ARRB1: variants seen among roughly 807,000 people sequenced by gnomAD.
ARRB1 encodes the protein arrestin beta 1.
In ARRB1, 21 loss-of-function variants were observed where a neutral mutation model predicts 56.8. The observed-to-expected ratio is 0.37, with a 90% CI of 0.26 to 0.53. ARRB1 has a LOEUF of 0.53. Ranked by LOEUF, ARRB1 falls within the 20% of genes least tolerant of loss-of-function variation. The pLI is 0.88. For missense variants in ARRB1, 424 were observed against 553.7 expected (o/e 0.77, Z 2.35); for synonymous variants, 210 against 218.6 (o/e 0.96, Z 0.35).
At chr11:75,326,751 G>C (rs1947442415) in intron 1 of ARRB1, among the ~76,000 whole-genome samples, 1 of 146,660 alleles carries the variant, frequency 6.8e-6, no homozygotes, top group Admixed American at 6.7e-5. Context: ...TTTGAGACAG[G>C]GTGTCACTCC....
chr11:75,299,447 G>GAA (rs775099506), intron 1 of ARRB1, among the ~76,000 whole-genome samples: 2 of 138,344 alleles, frequency 1.4e-5, no homozygotes, highest in Admixed American at 7.3e-5. Flanking sequence ...GAGAATCTAG[G>GAA]AAAAAAAAAA....
At chr11:75,273,966 T>C (rs1946134123) in intron 11 of ARRB1, 108 bp downstream of exon 11, 5 of 1,525,166 alleles carry the variant, frequency 3.3e-6, no homozygotes, top group Non-Finnish European at 3.6e-6. Flanking sequence ...GACAAGGCTA[T>C]GGAGAGGGTA....
intron 8 of ARRB1, 56 bp downstream of exon 8, chr11:75,278,553 G>A (rs1591905905): frequency 1.2e-6 from 2 of 1,610,598 alleles, no homozygotes; most frequent in Non-Finnish European, 1.7e-6. Flanking sequence ...GCTGGGATCT[G>A]AGGCCCAGGC....
chr11:75,281,633 T>G (rs1946343565), intron 6 of ARRB1: 2 of 365,826 alleles, frequency 5.5e-6, no homozygotes, highest in Non-Finnish European at 1.0e-5. Flanking sequence ...ATCTGTGAAA[T>G]GGGGATGATC....
At chr11:75,290,185 G>A (rs1946574886) in intron 1 of ARRB1, 146 bp from the exon 2 acceptor site, 1 of 910,648 alleles carries the variant, frequency 1.1e-6, no homozygotes, top group African/African-American at 1.7e-5. Context: ...CAGTGCCCAT[G>A]TAATCCGCTC....
In ARRB1 at chr11:75,290,047, G is replaced by A. The variant is rs1946568448; in HGVS notation, c.21-8C>T. ...CTGGCCTTCTTGAACACTCTGTGGA[G>A]AGAAAGAGAGGTCAGGCCAGGGTTC... On this transcript the variant is annotated splice_region_variant and splice_polypyrimidine_tract_variant and intron_variant, in intron 1 of 15. Coordinates refer to ENST00000420843, the MANE Select transcript of ARRB1 (RefSeq NM_004041.5). 6.2e-7 allele frequency: 1 copy of A among 1,614,190 alleles called. No homozygotes were observed.
intron 9 of ARRB1, 78 bp downstream of exon 9, chr11:75,277,286 G>A: frequency 1.4e-6 from 2 of 1,392,130 alleles, no homozygotes; most frequent in Non-Finnish European, 2.0e-6. Context: ...GTTAACAAGG[G>A]GAGATACTTC....
intron 1 of ARRB1, among the ~76,000 whole-genome samples, chr11:75,305,482 A>G (rs912691902): frequency 1.3e-5 from 2 of 152,170 alleles, no homozygotes; most frequent in African/African-American, 2.4e-5. Flanking sequence ...TCTCTTCCCA[A>G]CTGCACATTC....
chr11:75,320,215 C>G (rs1436874394), intron 1 of ARRB1, among the ~76,000 whole-genome samples: 1 of 152,196 alleles, frequency 6.6e-6, no homozygotes, highest in South Asian at 2.1e-4. Flanking sequence ...TGGGAAGCCA[C>G]AGCCCACAGA....
intron 2 of ARRB1, among the ~76,000 whole-genome samples, chr11:75,288,847 C>A (rs1361345811): frequency 1.3e-5 from 2 of 152,180 alleles, no homozygotes; most frequent in Non-Finnish European, 2.9e-5. Context: ...CCCACCTTGG[C>A]CTCCCAAAGT....
rs556820889 is a variant in ARRB1, at chr11:75,341,172, C to T, written c.20+10416G>A. ...GTTGTTGTTGAGACAGAGTCTCACT[C>T]TGTCACTCAGGCTGGAGTACAATAG... On this transcript the variant is annotated intron_variant, in intron 1 of 15. Coordinates refer to ENST00000420843, the MANE Select transcript of ARRB1 (RefSeq NM_004041.5). 1.7e-3 allele frequency among the ~76,000 whole-genome samples: 254 copies of T among 152,248 alleles called. 1 individual carries two copies. Among genetic ancestry groups the T allele is most frequent in the African/African-American group, 5.6e-3 (234 of 41,534 alleles).
At chr11:75,273,463 C>A (rs573366135) in intron 11 of ARRB1, among the ~76,000 whole-genome samples, 1 of 152,280 alleles carries the variant, frequency 6.6e-6, no homozygotes, top group South Asian at 2.1e-4. Flanking sequence ...GGGCAAAAAG[C>A]TTCAGGTAAG....
intron 1 of ARRB1, among the ~76,000 whole-genome samples, chr11:75,299,234 A>G (rs181079239): frequency 6.6e-6 from 1 of 150,442 alleles, no homozygotes; most frequent in Non-Finnish European, 1.5e-5. Flanking sequence ...ATTACATCTC[A>G]ATTAAAAAAA....
At chr11:75,303,683 C>T (rs769708384) in intron 1 of ARRB1, 2 of 456,298 alleles carry the variant, frequency 4.4e-6, no homozygotes, top group South Asian at 3.1e-5. Flanking sequence ...AGTGAACAAG[C>T]AAGCCCTCCC....
In ARRB1 at chr11:75,270,593, C is replaced by T. The variant is rs373604340; in HGVS notation, c.1022+1108G>A. On this transcript the variant is annotated intron_variant, in intron 13 of 15. Transcript: ENST00000420843. ...AGTGAGCCAAGATCGTGCCACTGCA[C>T]TCCAGCCTACCCGACAGAGTGAGAT... is the stretch of plus-strand genomic sequence containing the variant. Among the ~76,000 whole-genome samples the T allele has an allele frequency of 6.6e-5, 10 of 151,296 alleles. No homozygotes were observed. The East Asian group carries it at 1.9e-3, about 29-fold the overall frequency.
intron 1 of ARRB1, among the ~76,000 whole-genome samples, chr11:75,307,522 A>C (rs1947058597): frequency 6.6e-6 from 1 of 152,190 alleles, no homozygotes; most frequent in South Asian, 2.1e-4. Flanking sequence ...AACAGAAGTC[A>C]TGGTGCCCCA....
chr11:75,345,407 A>C (rs1947750443), intron 1 of ARRB1, among the ~76,000 whole-genome samples: 1 of 152,040 alleles, frequency 6.6e-6, no homozygotes, highest in Non-Finnish European at 1.5e-5. Flanking sequence ...CCAACCCCCT[A>C]CTAGGACTCA....
intron 1 of ARRB1, among the ~76,000 whole-genome samples, chr11:75,301,361 G>A (rs190516150): frequency 3.9e-5 from 6 of 152,314 alleles, no homozygotes; most frequent in East Asian, 3.9e-4. Flanking sequence ...AGAATGGTCC[G>A]TTTGCTCCAC....
Position 75,266,043 on chromosome 11 carries a change from G to A in ARRB1, c.*120C>T, listed in dbSNP as rs1945899109. ...ATCACCGTGATCTGGAAGCCCACGG[G>A]GCCCCCTGGTAGAAACTGGAAGAAC... On this transcript the variant is annotated 3_prime_UTR_variant, in exon 16 of 16. Coordinates refer to ENST00000420843, the MANE Select transcript of ARRB1 (RefSeq NM_004041.5). 9.2e-6 allele frequency: 8 copies of A among 866,590 alleles called. No homozygotes were observed. The highest frequency in any genetic ancestry group is 1.5e-5 in the Non-Finnish European group (8 of 545,296). The allele number at this position is 866,590 out of a possible 1,614,324, so 53.7% of individuals were successfully genotyped here. A position where few individuals can be genotyped will look rare whatever the true frequency, so the allele number is the denominator to read the frequency against.
Sources: allele counts gnomAD v4.1 joint callset (sites outside exome capture counted in the v4.1 genomes callset), GRCh38; gene constraint gnomAD v4.1.1; transcripts MANE v1.5; gene names NCBI Gene and HGNC (gene_info 2026-07-23, HGNC 2026-07-21).